KCNMA1: variants seen among roughly 807,000 people sequenced by gnomAD.
The protein encoded by KCNMA1 is potassium calcium-activated channel subfamily M alpha 1.
KCNMA1 carries 29 observed loss-of-function variants against 140.0 expected under a neutral mutation model. The observed-to-expected ratio is 0.21, with a 90% CI of 0.15 to 0.28. The LOEUF is 0.28. Among genes scored for constraint, KCNMA1 ranks in the 10% least tolerant of loss-of-function variants. The pLI, the probability that KCNMA1 is intolerant of heterozygous loss-of-function variation, is 1.00. For missense variants in KCNMA1, 880 were observed against 1,602.2 expected (o/e 0.55, Z 7.70); for synonymous variants, 612 against 611.9 (o/e 1.00, Z 0.00).
chr10:77,346,259 A>G (rs1276199657), intron 2 of KCNMA1, among the ~76,000 whole-genome samples: 1 of 152,212 alleles, frequency 6.6e-6, no homozygotes, highest in African/African-American at 2.4e-5. Flanking sequence ...TTTGAGAAAC[A>G]AAAACATTTC....
intron 1 of KCNMA1, among the ~76,000 whole-genome samples, chr10:77,503,868 A>C (rs2044806272): frequency 6.6e-6 from 1 of 152,240 alleles, no homozygotes; most frequent in South Asian, 2.1e-4. Context: ...CAAGGTATCA[A>C]GTGCCAAACA....
chr10:77,446,775 C>T (rs1189740450), intron 1 of KCNMA1, among the ~76,000 whole-genome samples: 2 of 152,210 alleles, frequency 1.3e-5, no homozygotes, highest in African/African-American at 2.4e-5. Context: ...CTAGAGGTGG[C>T]CCCTGGCCAT....
chr10:77,288,338 G>T (rs1191548745), intron 2 of KCNMA1, among the ~76,000 whole-genome samples: 1 of 152,176 alleles, frequency 6.6e-6, no homozygotes, highest in Non-Finnish European at 1.5e-5. Flanking sequence ...CCTAGTTCTG[G>T]TTCTGCCTGT....
At chr10:77,613,640 G>T (rs2087968740) in intron 1 of KCNMA1, among the ~76,000 whole-genome samples, 1 of 152,184 alleles carries the variant, frequency 6.6e-6, no homozygotes, top group Admixed American at 6.5e-5. Flanking sequence ...CCCGTGTGCA[G>T]CTAAAACTAT....
At chr10:77,527,789 A>G (rs1286458378) in intron 1 of KCNMA1, among the ~76,000 whole-genome samples, 1 of 152,154 alleles carries the variant, frequency 6.6e-6, no homozygotes, top group Non-Finnish European at 1.5e-5. Context: ...CAAGGAAAGA[A>G]CACAGGGTGG....
chr10:77,420,138 C>G (rs538158039), intron 1 of KCNMA1, among the ~76,000 whole-genome samples: 1 of 152,362 alleles, frequency 6.6e-6, no homozygotes, highest in South Asian at 2.1e-4. Flanking sequence ...TGCTGATCCA[C>G]TGCTGAGGGT....
At chr10:77,158,033 G>A (rs142572515) in intron 5 of KCNMA1, among the ~76,000 whole-genome samples, 387 of 152,314 alleles carry the variant, frequency 2.5e-3, no homozygotes, top group Non-Finnish European at 4.1e-3. Context: ...ATCAAAGAAG[G>A]AGTGTAAATA....
At chr10:77,469,380 C>T (rs1345481158) in intron 1 of KCNMA1, among the ~76,000 whole-genome samples, 4 of 152,278 alleles carry the variant, frequency 2.6e-5, no homozygotes, top group African/African-American at 7.2e-5. Context: ...GACAGTTTGC[C>T]TGGCCACCTA....
chr10:77,435,417 T>C (rs770562023), intron 1 of KCNMA1, among the ~76,000 whole-genome samples: 1 of 152,174 alleles, frequency 6.6e-6, no homozygotes, highest in Admixed American at 6.5e-5. Flanking sequence ...GCATGCAGTC[T>C]CAATGGGGGC....
intron 1 of KCNMA1, among the ~76,000 whole-genome samples, chr10:77,472,094 A>C (rs111209681): frequency 5.4e-4 from 81 of 151,234 alleles, no homozygotes; most frequent in African/African-American, 1.9e-3. Flanking sequence ...ACACACACAC[A>C]CCACATAAAT....
At chr10:77,146,730 AGAAAGAAAGAAG>A (rs1188674506) in intron 5 of KCNMA1, among the ~76,000 whole-genome samples, 10 of 114,222 alleles carry the variant, frequency 8.8e-5, no homozygotes. Flanking sequence ...AAAAAAAAAA[AGAAAGAAAGAAG>A]GAAAGAAAAA....
chr10:77,286,765 G>A lies in KCNMA1; in HGVS notation c.541-35509C>T, dbSNP rs1014550960. Among the ~76,000 whole-genome samples the A allele has an allele frequency of 5.5e-4, 4 of 7,304 alleles. No homozygotes were observed. The South Asian group carries it at 0.011, about 20-fold the overall frequency. The allele number at this position is 7,304 out of a possible 152,430, so 4.8% of individuals were successfully genotyped here. Reference sequence around the variant, plus strand: ...GACTAGGGACGGTGTGTGTGTGTGTGCGGGGGGGGGGGGGGGGTTCCATTC... The same window carrying A: ...GACTAGGGACGGTGTGTGTGTGTGTACGGGGGGGGGGGGGGGGTTCCATTC... On this transcript the variant is annotated intron_variant, in intron 2 of 27. Coordinates refer to ENST00000286628, the MANE Select transcript of KCNMA1 (RefSeq NM_001161352.2).
chr10:77,525,774 C>T (rs2055362574), intron 1 of KCNMA1, among the ~76,000 whole-genome samples: 1 of 152,228 alleles, frequency 6.6e-6, no homozygotes, highest in South Asian at 2.1e-4. Context: ...CAAAAGATGT[C>T]ACCCTCCTCC....
chr10:77,549,776 C>T (rs961841516), intron 1 of KCNMA1, among the ~76,000 whole-genome samples: 4 of 152,214 alleles, frequency 2.6e-5, no homozygotes, highest in African/African-American at 4.8e-5. Flanking sequence ...GTCATGCACC[C>T]AAGCTTGGCC....
chr10:77,258,792 A>G (rs2061362932), intron 2 of KCNMA1, among the ~76,000 whole-genome samples: 1 of 151,990 alleles, frequency 6.6e-6, no homozygotes, highest in Admixed American at 6.6e-5. Flanking sequence ...GTGAAACCCC[A>G]TCTCTACTAA....
intron 1 of KCNMA1, among the ~76,000 whole-genome samples, chr10:77,495,824 C>T (rs750883772): frequency 2.0e-5 from 3 of 152,178 alleles, no homozygotes; most frequent in African/African-American, 7.2e-5. Context: ...GACCCCCACA[C>T]CAGGGACTGA....
chr10:77,554,597 C>CAAAAAAAAAAAAAAAAAAAA (rs59754706), intron 1 of KCNMA1, among the ~76,000 whole-genome samples: 1 of 84,070 alleles, frequency 1.2e-5, no homozygotes, highest in Non-Finnish European at 2.4e-5. Flanking sequence ...TACTCCATCT[C>CAAAAAAAAAAAAAAAAAAAA]AAAAAAAAAA....
At chr10:77,219,240 C>T (rs2048777596) in intron 3 of KCNMA1, among the ~76,000 whole-genome samples, 1 of 152,144 alleles carries the variant, frequency 6.6e-6, no homozygotes, top group African/African-American at 2.4e-5. Context: ...TGTTATTGTT[C>T]TGCTTTCCAT....
chr10:77,274,351 G>A (rs2066014909), intron 2 of KCNMA1, among the ~76,000 whole-genome samples: 1 of 152,166 alleles, frequency 6.6e-6, no homozygotes, highest in East Asian at 1.9e-4. Context: ...AAGAAGGGCA[G>A]TGAGGATGCC....
Sources: allele counts gnomAD v4.1 joint callset (sites outside exome capture counted in the v4.1 genomes callset), GRCh38; gene constraint gnomAD v4.1.1; transcripts MANE v1.5; gene names NCBI Gene and HGNC (gene_info 2026-07-23, HGNC 2026-07-21).